Variants in MGA observed in about 807,000 individuals in gnomAD.
The protein encoded by MGA is MAX dimerization protein MGA.
In MGA, 40 loss-of-function variants were observed where a neutral mutation model predicts 261.1. The ratio of observed to expected loss-of-function variants is 0.15; its 90% CI spans 0.12 to 0.20. The LOEUF (loss-of-function observed/expected upper bound fraction) is 0.20, where lower values mean the gene tolerates loss of function less well. Ranked by LOEUF, MGA falls within the 10% of genes least tolerant of loss-of-function variation. The pLI is 1.00. For missense variants in MGA, 3,397 were observed against 3,630.5 expected, an observed-to-expected ratio of 0.94 and a Z score of 1.65; for synonymous variants, 1,302 against 1,290.6, an observed-to-expected ratio of 1.01 and a Z score of -0.19.
chr15:41,750,212 T>C lies in MGA; in HGVS notation c.6605T>C (p.Ile2202Thr). The C allele has an allele frequency of 6.2e-7, 1 of 1,613,866 alleles. No homozygotes were observed. The highest frequency in any genetic ancestry group is 2.2e-5 in the East Asian group (1 of 44,874). The change falls in exon 17 of 24, where the codon ATT becomes ACT. Residue 2202 changes from isoleucine (I) to threonine (T), a missense_variant. Coordinates refer to ENST00000219905, the MANE Select transcript of MGA (RefSeq NM_001164273.2). ...AAGAAAGAGGCAGACGAGCAGTTAA[T>C]TAAAGAAACAAAGACATGTCAGGAA...
chr15:41,648,442 T>C (rs1214429390), intron 1 of MGA, among the ~76,000 whole-genome samples: 2 of 152,326 alleles, frequency 1.3e-5, no homozygotes, highest in East Asian at 1.9e-4. Context: ...GGAGGAGACA[T>C]TGAATAATCA....
At chr15:41,752,571 T>A (rs1195452934) in intron 17 of MGA, among the ~76,000 whole-genome samples, 1 of 149,616 alleles carries the variant, frequency 6.7e-6, no homozygotes, top group Non-Finnish European at 1.5e-5. Context: ...TTTTTTTTTT[T>A]TTTAACAGAG....
In MGA at chr15:41,749,470, G is replaced by T. The variant is rs755505535; in HGVS notation, c.5863G>T (p.Val1955Phe). 2.5e-6 allele frequency: 4 copies of T among 1,613,944 alleles called. No homozygotes were observed. The highest frequency in any genetic ancestry group is 3.4e-6 in the Non-Finnish European group (4 of 1,179,884). Residue 1955 changes from valine to phenylalanine, a missense_variant, in exon 17 of 24, where the codon GTT becomes TTT. By Grantham distance (50) the Val-to-Phe change is conservative (BLOSUM62 -1). Coordinates refer to ENST00000219905, the MANE Select transcript of MGA (RefSeq NM_001164273.2). ...GTTACAGCTCCCAGGACAAAAGCCTGTTCCTAGCTCCATTCTTCAGCATGT... is the reference window on the plus strand; with the variant it reads ...GTTACAGCTCCCAGGACAAAAGCCTTTTCCTAGCTCCATTCTTCAGCATGT...
At position 41,696,434 on chromosome 15, in the gene MGA, C is replaced by A. The variant is rs776652693; in HGVS notation, c.1424C>A (p.Ala475Asp). Reference sequence around the variant, plus strand: ...CCAGTAGTCTATCTGGAGCCCTGTGCTGTCACCAGAAGCACAGTTAAGATT... The same window carrying A: ...CCAGTAGTCTATCTGGAGCCCTGTGATGTCACCAGAAGCACAGTTAAGATT... The change falls in exon 3 of 24, where the codon GCT becomes GAT. Residue 475 changes from alanine to aspartate, a missense_variant. This residue lies in a region of MGA where 563 missense variants were observed against 563.6 expected (regional missense o/e 1.00). Transcript: ENST00000219905. 7 of 1,613,844 alleles carry A rather than the reference C, an allele frequency of 4.3e-6. No homozygotes were observed. The South Asian group carries it at 5.5e-5, about 13-fold the overall frequency.
At chr15:41,760,113 T>G (rs1324065327) in intron 19 of MGA, 2 of 553,508 alleles carry the variant, frequency 3.6e-6, no homozygotes, top group East Asian at 6.2e-5. Flanking sequence ...GTAAGATCAC[T>G]TTAGCATGTA....
chr15:41,706,467 T>A (rs2060119893), intron 5 of MGA, among the ~76,000 whole-genome samples: 1 of 152,062 alleles, frequency 6.6e-6, no homozygotes, highest in African/African-American at 2.4e-5. Context: ...GTTCATAACC[T>A]ACCTAATGTC....
intron 1 of MGA, among the ~76,000 whole-genome samples, chr15:41,641,547 T>C (rs979387509): frequency 6.7e-5 from 10 of 148,788 alleles, no homozygotes; most frequent in Non-Finnish European, 1.3e-4. Context: ...TGGAGTGCAG[T>C]GGCGTAATCT....
At chr15:41,739,941 A>T (rs980336718) in intron 13 of MGA, 1 of 1,612,488 alleles carries the variant, frequency 6.2e-7, no homozygotes, top group Admixed American at 1.7e-5. Flanking sequence ...CTAAGTTGCT[A>T]TTGGGACAGA....
chr15:41,677,034 A>G (rs908104520), intron 2 of MGA, among the ~76,000 whole-genome samples: 4 of 152,188 alleles, frequency 2.6e-5, no homozygotes, highest in African/African-American at 9.7e-5. Flanking sequence ...GTGGCTTTCC[A>G]TTGCACTTAA....
At chr15:41,754,030 C>T (rs997413389) in intron 17 of MGA, among the ~76,000 whole-genome samples, 8 of 152,070 alleles carry the variant, frequency 5.3e-5, no homozygotes, top group African/African-American at 1.9e-4. Flanking sequence ...GCAATCCTCC[C>T]ACCTCAGGTT....
At chr15:41,650,272 A>G (rs1393718265) in intron 1 of MGA, among the ~76,000 whole-genome samples, 1 of 152,168 alleles carries the variant, frequency 6.6e-6, no homozygotes, top group Non-Finnish European at 1.5e-5. Context: ...GAATTAATGA[A>G]TACTCTGTTC....
chr15:41,637,382 G>C (rs1340958781), intron 1 of MGA, among the ~76,000 whole-genome samples: 1 of 152,146 alleles, frequency 6.6e-6, no homozygotes, highest in Non-Finnish European at 1.5e-5. Flanking sequence ...AGTTGTTTTG[G>C]TACTGAAACT....
rs997299122 is a variant in MGA, at chr15:41,626,444, C to T, written c.-68+5146C>T. Among the ~76,000 whole-genome samples the T allele has an allele frequency of 5.9e-5, 9 of 151,906 alleles. No homozygotes were observed. In the East Asian group the frequency reaches 9.6e-4, roughly 16 times the overall value. ...CTTTTTTTTTTAAAATTTTTTTAGA[C>T]GGAGTTTTACTCTTGTTGCCCAGGC... On this transcript the variant is annotated intron_variant, in intron 1 of 8. Coordinates refer to the MGA transcript ENST00000566718.
rs192536426 is a variant in MGA at position 41,654,159 on chromosome 15, G to T, written c.-67-14669G>T. 1.2e-4 allele frequency among the ~76,000 whole-genome samples: 19 copies of T among 152,262 alleles called. No homozygotes were observed. The East Asian group carries it at 3.7e-3, about 29-fold the overall frequency. The stretch of plus-strand genomic sequence containing the variant: ...ACTTATACTCCATCACAGTCCTGTT[G>T]TGTGTATTTTTTTCTGTGAACATCA... On this transcript the variant is annotated intron_variant, in intron 1 of 8. Coordinates refer to the MGA transcript ENST00000566718.
chr15:41,666,335 A>G (rs1268649614), intron 1 of MGA, among the ~76,000 whole-genome samples: 1 of 152,174 alleles, frequency 6.6e-6, no homozygotes, highest in East Asian at 1.9e-4. Context: ...GTCTTTCCAG[A>G]GATAGTCTGT....
At chr15:41,745,473 G>A (rs1238133558) in intron 15 of MGA, among the ~76,000 whole-genome samples, 1 of 149,830 alleles carries the variant, frequency 6.7e-6, no homozygotes, top group Admixed American at 6.6e-5. Context: ...AAGAAAGCTA[G>A]AAAATACTAG....
intron 1 of MGA, among the ~76,000 whole-genome samples, chr15:41,660,939 T>G (rs2150815182): frequency 6.6e-6 from 1 of 152,316 alleles, no homozygotes; most frequent in East Asian, 1.9e-4. Flanking sequence ...GCTTACGCGC[T>G]TTTCAGTTTA....
intron 9 of MGA, among the ~76,000 whole-genome samples, chr15:41,725,344 T>C (rs2250964): frequency 0.78 from 119,286 of 152,074 alleles, 47,321 homozygotes; most frequent in East Asian, 0.89. Context: ...TACCTTTAAT[T>C]AACTCTTAAC....
chr15:41,656,491 A>G (rs2057200426), upstream of MGA, among the ~76,000 whole-genome samples: 1 of 150,916 alleles, frequency 6.6e-6, no homozygotes, highest in Non-Finnish European at 1.5e-5. Flanking sequence ...GCAGATGCAC[A>G]CCACCAGGCC....
Sources: allele counts gnomAD v4.1 joint callset (sites outside exome capture counted in the v4.1 genomes callset), GRCh38; gene constraint gnomAD v4.1.1; regional missense constraint gnomAD v4.1.1; transcripts MANE v1.5; gene names NCBI Gene and HGNC (gene_info 2026-07-23, HGNC 2026-07-21).